PREX1: variants seen among roughly 807,000 people sequenced by gnomAD.
The protein encoded by PREX1 is phosphatidylinositol 3,4,5-trisphosphate-dependent Rac exchanger 1 protein.
PREX1 carries 41 observed loss-of-function variants against 198.3 expected under a neutral mutation model. That is an observed-to-expected ratio of 0.21 (90% CI 0.16 to 0.27). The LOEUF is 0.27. Ranked by LOEUF, PREX1 falls within the 10% of genes least tolerant of loss-of-function variation. The pLI, the probability that PREX1 is intolerant of heterozygous loss-of-function variation, is 1.00. For synonymous variants in PREX1, 843 were observed against 887.2 expected, an observed-to-expected ratio of 0.95 and a Z score of 0.89; for missense variants, 1,620 against 2,200.7, an observed-to-expected ratio of 0.74 and a Z score of 5.28.
chr20:48,627,689 G>A, intron 38 of PREX1, 74 bp from the exon 39 acceptor site: 3 of 1,498,034 alleles, frequency 2.0e-6, no homozygotes, highest in Admixed American at 1.7e-5. Flanking sequence ...GGGGGTGGGG[G>A]TGGGGCCCAG....
intron 4 of PREX1, among the ~76,000 whole-genome samples, chr20:48,731,077 A>G (rs1358693472): frequency 2.0e-5 from 3 of 151,998 alleles, no homozygotes; most frequent in Non-Finnish European, 4.4e-5. Context: ...GTTTCTTTCA[A>G]TCTCTCTGAC....
At position 48,630,748 on chromosome 20, in the gene PREX1, T is replaced by C. The variant is rs759964904; in HGVS notation, c.4573A>G (p.Thr1525Ala). The C allele has an allele frequency of 1.9e-6, 3 of 1,599,616 alleles. No homozygotes were observed. Among genetic ancestry groups the C allele is most frequent in the Non-Finnish European group, 1.7e-6 (2 of 1,166,874 alleles). Reference protein sequence around the residue: ...RSNLPTDASTTAVKIDQLIRP... With the variant: ...RSNLPTDASTAAVKIDQLIRP... ...CATACCTGGTCTATCTTTACCGCCG[T>C]GGTGCTGGCATCCGTGGGCAGGTTA... Residue 1525 changes from threonine to alanine, a missense_variant, in exon 36 of 40, where the codon ACG becomes GCG. Physicochemically the swap from Thr to Ala is moderately conservative, Grantham distance 58. Around this residue, in one of 7 missense-constraint regions of PREX1, gnomAD observed 476 missense variants for 603.4 expected, o/e 0.79. Coordinates refer to ENST00000371941, the MANE Select transcript of PREX1 (RefSeq NM_020820.4).
chr20:48,634,051 A>ATGGATGCATGGC (rs2089338028), intron 33 of PREX1, among the ~76,000 whole-genome samples: 1 of 149,666 alleles, frequency 6.7e-6, no homozygotes, highest in Admixed American at 6.7e-5. Context: ...GGATGCATGG[A>ATGGATGCATGGC]TGGATGGATG....
intron 1 of PREX1, among the ~76,000 whole-genome samples, chr20:48,784,061 T>C (rs1275980073): frequency 1.3e-5 from 2 of 152,172 alleles, no homozygotes; most frequent in East Asian, 1.9e-4. Flanking sequence ...CACAGCTGGC[T>C]GCCAGGCAAA....
In PREX1 at chr20:48,790,429, A is replaced by G. The variant is rs186834335; in HGVS notation, c.219+37213T>C. On this transcript the variant is annotated intron_variant, in intron 1 of 39. Coordinates refer to ENST00000371941, the MANE Select transcript of PREX1 (RefSeq NM_020820.4). Reference sequence around the variant, plus strand: ...AAAGGCTCCACTCTCCCCAGGCTCCAAGGAAAAAGGAGGGTGGAGGGCTGC... The same window carrying G: ...AAAGGCTCCACTCTCCCCAGGCTCCGAGGAAAAAGGAGGGTGGAGGGCTGC... 2.5e-3 allele frequency among the ~76,000 whole-genome samples: 384 copies of G among 152,220 alleles called. 1 individual carries two copies. The highest frequency in any genetic ancestry group is 4.8e-3 in the Admixed American group (74 of 15,302).
chr20:48,717,497 TAAAA>T (rs75263542), intron 5 of PREX1, among the ~76,000 whole-genome samples: 2 of 139,192 alleles, frequency 1.4e-5, no homozygotes, highest in Admixed American at 7.1e-5. Context: ...ACCACCACTT[TAAAA>T]AAAAAAAAAA....
chr20:48,817,782 A>G (rs1441016703), intron 1 of PREX1, among the ~76,000 whole-genome samples: 2 of 152,244 alleles, frequency 1.3e-5, no homozygotes, highest in African/African-American at 4.8e-5. Flanking sequence ...ATCATGTAAT[A>G]AAACATAGGC....
intron 4 of PREX1, 33 bp downstream of exon 4, chr20:48,734,513 C>T (rs2090048495): frequency 6.3e-7 from 1 of 1,582,266 alleles, no homozygotes; most frequent in South Asian, 1.1e-5. Flanking sequence ...AGGCCGAGTG[C>T]AAGGGAGCAC....
intron 1 of PREX1, among the ~76,000 whole-genome samples, chr20:48,780,817 AGAATCTCC>A (rs1351243532): frequency 2.6e-5 from 4 of 152,228 alleles, no homozygotes; most frequent in Non-Finnish European, 1.5e-5. Context: ...ACAGTCTCAA[AGAATCTCC>A]CCCAAAATGT....
chr20:48,803,594 A>G (rs2090397248), intron 1 of PREX1, among the ~76,000 whole-genome samples: 1 of 152,120 alleles, frequency 6.6e-6, no homozygotes. Flanking sequence ...ACAGGGCCAC[A>G]CACGCCAAAA....
the PREX1 span, among the ~76,000 whole-genome samples, chr20:48,841,604 T>C: frequency 6.6e-6 from 1 of 152,138 alleles, no homozygotes; most frequent in East Asian, 1.9e-4. Context: ...TTGCCTGAAA[T>C]AGACTGGATG....
rs550071915 is a variant in PREX1 at position 48,722,949 on chromosome 20, C to T, written c.621+3341G>A. ...GATCAGTGACAGTCAGGCCCCCCAC[C>T]GGCACCAGCCAGCTGTGCACCAGGG... is the stretch of plus-strand genomic sequence containing the variant. On this transcript the variant is annotated intron_variant, in intron 5 of 39. Transcript: ENST00000371941. Among the ~76,000 whole-genome samples, 12 of 152,358 alleles carry T rather than the reference C, an allele frequency of 7.9e-5. 1 individual carries two copies. The highest frequency in any genetic ancestry group is 2.9e-4 in the African/African-American group (12 of 41,590).
rs906931033 is a variant in PREX1, at chr20:48,651,109, A to C, written c.2656-54T>G. Reference sequence around the variant, plus strand: ...TTCCCTGTGTGCCGGGAAGATTTTAAGCGGTTCACCCACAGTGACTCCTGT... The same window carrying C: ...TTCCCTGTGTGCCGGGAAGATTTTACGCGGTTCACCCACAGTGACTCCTGT... On this transcript the variant is annotated intron_variant, in intron 22 of 39. Coordinates refer to ENST00000371941, the MANE Select transcript of PREX1 (RefSeq NM_020820.4). 6 of 1,594,748 alleles carry C rather than the reference A, an allele frequency of 3.8e-6. No homozygotes were observed. In the Admixed American group the frequency reaches 1.0e-4, roughly 27 times the overall value.
rs188000803 is a variant in PREX1 at position 48,639,399 on chromosome 20, C to T, written c.3904+367G>A. On this transcript the variant is annotated intron_variant, in intron 30 of 39. Transcript: ENST00000371941. ...CTGAATCTGGTCAGTGGGCTGCCAG[C>T]CGGTGTCCCTCATACCCTGATAATA... Among the ~76,000 whole-genome samples, 3 of 152,382 alleles carry T rather than the reference C, an allele frequency of 2.0e-5. No individual in the cohort carries two copies. The East Asian group carries it at 5.8e-4, about 29-fold the overall frequency.
chr20:48,648,240 C>T (rs906112768), intron 25 of PREX1, among the ~76,000 whole-genome samples: 3 of 152,218 alleles, frequency 2.0e-5, no homozygotes, highest in South Asian at 2.1e-4. Context: ...CAAGATAACA[C>T]GTAATTCCAC....
chr20:48,648,109 G>A (rs534268985), intron 25 of PREX1, among the ~76,000 whole-genome samples: 4 of 152,040 alleles, frequency 2.6e-5, no homozygotes, highest in South Asian at 2.1e-4. Flanking sequence ...GTTTCACTAC[G>A]TTGCCCAGGC....
chr20:48,696,498 T>A (rs2089846324), intron 7 of PREX1, among the ~76,000 whole-genome samples: 1 of 152,200 alleles, frequency 6.6e-6, no homozygotes, highest in South Asian at 2.1e-4. Context: ...GGACTTGGAA[T>A]CCAGTAATAA....
At chr20:48,664,295 A>C (rs2089618767) in intron 15 of PREX1, among the ~76,000 whole-genome samples, 1 of 151,980 alleles carries the variant, frequency 6.6e-6, no homozygotes, top group African/African-American at 2.4e-5. Flanking sequence ...GAATGGCGTG[A>C]ACCCAGGAGG....
chr20:48,660,487 GA>G (rs55850400), intron 15 of PREX1, among the ~76,000 whole-genome samples: 23,942 of 152,052 alleles, frequency 0.16, 2,213 homozygotes, highest in Middle Eastern at 0.3. Flanking sequence ...GCCCAGGGGG[GA>G]AAAAAATTGA....
Sources: allele counts gnomAD v4.1 joint callset (sites outside exome capture counted in the v4.1 genomes callset), GRCh38; gene constraint gnomAD v4.1.1; regional missense constraint gnomAD v4.1.1; transcripts MANE v1.5; gene names NCBI Gene and HGNC (gene_info 2026-07-23, HGNC 2026-07-21).